The following RAD51B variants were observed in gnomAD, a reference collection of about 807,000 sequenced individuals.
RAD51B encodes the protein RAD51 paralog B, also known as DNA repair protein RAD51 homolog 2.
Under a neutral mutation model 42.2 loss-of-function variants are expected in RAD51B, and 38 were observed. The observed-to-expected ratio is 0.90, with a 90% CI of 0.70 to 1.18. RAD51B has a LOEUF of 1.18. Ranked by LOEUF, RAD51B falls within the 50% of genes most tolerant of loss-of-function variation. The probability of loss-of-function intolerance (pLI) is 0.00; values close to 1 mark genes in which losing one functional copy is unlikely to be tolerated. For synonymous variants in RAD51B, 154 were observed against 145.2 expected (o/e 1.06, Z -0.43); for missense variants, 373 against 400.7 (o/e 0.93, Z 0.59).
chr14:68,123,494 G>T (rs965846634), intron 7 of RAD51B, among the ~76,000 whole-genome samples: 1 of 151,948 alleles, frequency 6.6e-6, no homozygotes, highest in East Asian at 1.9e-4. Flanking sequence ...ACCTGGACAG[G>T]AACTTAGTCT....
intron 10 of RAD51B, among the ~76,000 whole-genome samples, chr14:68,636,682 T>C (rs1295257911): frequency 2.0e-5 from 3 of 152,132 alleles, no homozygotes; most frequent in Admixed American, 6.5e-5. Flanking sequence ...GGTTTGTATA[T>C]GTGCTTGATG....
intron 7 of RAD51B, among the ~76,000 whole-genome samples, chr14:67,947,530 C>T (rs944753247): frequency 1.8e-4 from 27 of 152,100 alleles, no homozygotes; most frequent in Admixed American, 3.9e-4. Context: ...TCTATGTTTT[C>T]TTCTTTGTCT....
chr14:67,986,702 A>G (rs2075199801), intron 7 of RAD51B, among the ~76,000 whole-genome samples: 1 of 152,144 alleles, frequency 6.6e-6, no homozygotes, highest in African/African-American at 2.4e-5. Context: ...TAAGACAGTG[A>G]CTCATCCAAA....
chr14:68,131,233 T>C (rs1175141044), intron 7 of RAD51B, among the ~76,000 whole-genome samples: 2 of 152,146 alleles, frequency 1.3e-5, no homozygotes, highest in Non-Finnish European at 2.9e-5. Context: ...CACTTAGAAT[T>C]TTAAAAGTAA....
At chr14:67,918,691 G>C (rs1468992184) in intron 7 of RAD51B, among the ~76,000 whole-genome samples, 2 of 152,190 alleles carry the variant, frequency 1.3e-5, no homozygotes, top group African/African-American at 4.8e-5. Flanking sequence ...AAGTCACAAG[G>C]AAAGGAATAG....
chr14:68,380,843 G>A (rs927405985), intron 8 of RAD51B, among the ~76,000 whole-genome samples: 1 of 152,186 alleles, frequency 6.6e-6, no homozygotes, highest in Non-Finnish European at 1.5e-5. Flanking sequence ...TGTGATTTGT[G>A]TACACCCACA....
At chr14:68,642,304 T>G (rs1205502435) in intron 10 of RAD51B, among the ~76,000 whole-genome samples, 1 of 152,220 alleles carries the variant, frequency 6.6e-6, no homozygotes, top group Non-Finnish European at 1.5e-5. Flanking sequence ...CTATTCAGAT[T>G]GTCTATTTCT....
At chr14:68,336,290 A>G (rs2082453809) in intron 8 of RAD51B, among the ~76,000 whole-genome samples, 1 of 152,166 alleles carries the variant, frequency 6.6e-6, no homozygotes, top group Admixed American at 6.5e-5. Context: ...CTTCCTTTGT[A>G]TTTAACTTGG....
chr14:68,284,157 T>G (rs2081372815), intron 7 of RAD51B, among the ~76,000 whole-genome samples: 1 of 152,206 alleles, frequency 6.6e-6, no homozygotes, highest in Admixed American at 6.5e-5. Flanking sequence ...GAAGACAGTT[T>G]TCCTCAGGGC....
intron 7 of RAD51B, among the ~76,000 whole-genome samples, chr14:67,983,933 T>G (rs2075138909): frequency 6.6e-6 from 1 of 151,912 alleles, no homozygotes; most frequent in Non-Finnish European, 1.5e-5. Context: ...GCTGGTTTTT[T>G]TTTTTTCTTT....
intron 7 of RAD51B, among the ~76,000 whole-genome samples, chr14:68,240,247 A>G (rs2141000389): frequency 6.6e-6 from 1 of 152,272 alleles, no homozygotes; most frequent in Admixed American, 6.5e-5. Flanking sequence ...AATAAGTGCG[A>G]TGACTTAGAA....
intron 7 of RAD51B, among the ~76,000 whole-genome samples, chr14:67,933,380 C>A (rs2044812110): frequency 6.6e-6 from 1 of 152,166 alleles, no homozygotes; most frequent in Admixed American, 6.5e-5. Context: ...AGGATGCAGT[C>A]CTATGACAGC....
intron 8 of RAD51B, among the ~76,000 whole-genome samples, chr14:68,304,418 C>T (rs1238293100): frequency 1.3e-5 from 2 of 152,294 alleles, no homozygotes; most frequent in Non-Finnish European, 1.5e-5. Context: ...TAGAGTCTTG[C>T]TCTAGAGTCT....
intron 10 of RAD51B, among the ~76,000 whole-genome samples, chr14:68,569,797 C>T (rs1299745299): frequency 6.6e-6 from 1 of 152,214 alleles, no homozygotes; most frequent in East Asian, 1.9e-4. Flanking sequence ...GCAGCCTCTG[C>T]CTTCCCACTG....
intron 7 of RAD51B, among the ~76,000 whole-genome samples, chr14:68,025,448 A>G (rs1417953785): frequency 1.6e-5 from 2 of 126,576 alleles, no homozygotes; most frequent in Non-Finnish European, 3.3e-5. Flanking sequence ...GTCTGGTAGA[A>G]TTTGGCTGTG....
intron 8 of RAD51B, among the ~76,000 whole-genome samples, chr14:68,354,194 TTTTTTGG>T (rs2082847671): frequency 6.7e-6 from 1 of 149,080 alleles, no homozygotes; most frequent in East Asian, 2.0e-4. Flanking sequence ...TCCAATAATG[TTTTTTGG>T]TTTTTGGTTT....
At chr14:68,287,444 G>A (rs953446788) in intron 7 of RAD51B, among the ~76,000 whole-genome samples, 1 of 152,150 alleles carries the variant, frequency 6.6e-6, no homozygotes, top group Non-Finnish European at 1.5e-5. Flanking sequence ...TCTAATAGGT[G>A]GATGGTATTC....
At chr14:67,915,554 T>A (rs563791427) in intron 7 of RAD51B, among the ~76,000 whole-genome samples, 1 of 152,210 alleles carries the variant, frequency 6.6e-6, no homozygotes, top group Admixed American at 6.6e-5. Context: ...TGAAGGAAGA[T>A]AGCATGAGGA....
chr14:67,899,191 C>T (rs1202486501), intron 7 of RAD51B, among the ~76,000 whole-genome samples: 3 of 151,780 alleles, frequency 2.0e-5, no homozygotes, highest in Admixed American at 6.6e-5. Context: ...TATAGGCACC[C>T]GCCACCACGC....
Sources: gnomAD v4.1 joint callset for allele counts (sites outside exome capture counted in the v4.1 genomes callset) on GRCh38, gnomAD v4.1.1 for gene constraint, MANE v1.5 for transcripts, NCBI Gene and HGNC (gene_info 2026-07-23, HGNC 2026-07-21) for gene names.